The following NFIA variants were observed in gnomAD, a reference collection of about 807,000 sequenced individuals.
NFIA encodes the protein nuclear factor 1 A-type.
NFIA carries 8 observed loss-of-function variants against 62.8 expected under a neutral mutation model. The observed-to-expected ratio is 0.13, with a 90% CI of 0.07 to 0.23. The LOEUF is 0.23. Among genes scored for constraint, NFIA ranks in the 10% least tolerant of loss-of-function variants. The pLI, the probability that NFIA is intolerant of heterozygous loss-of-function variation, is 1.00. For missense variants in NFIA, 410 were observed against 642.1 expected (o/e 0.64, Z 3.91); for synonymous variants, 235 against 238.1 (o/e 0.99, Z 0.12).
intron 2 of NFIA, among the ~76,000 whole-genome samples, chr1:61,151,714 A>G (rs1648426716): frequency 1.3e-5 from 2 of 152,134 alleles, no homozygotes; most frequent in Non-Finnish European, 2.9e-5. Context: ...TTTGACCGAG[A>G]GACACACATA....
At chr1:61,287,283 G>A (rs2152093) in intron 3 of NFIA, among the ~76,000 whole-genome samples, 32,417 of 152,062 alleles carry the variant, frequency 0.21, 3,658 homozygotes, top group Middle Eastern at 0.28. Flanking sequence ...TGTCATGGCA[G>A]TATCTTTTAG....
chr1:61,289,601 T>C (rs958215648), intron 3 of NFIA, among the ~76,000 whole-genome samples: 8 of 152,252 alleles, frequency 5.3e-5, no homozygotes, highest in Non-Finnish European at 1.0e-4. Context: ...GAACAAGTTA[T>C]TTAAACTCTT....
intron 3 of NFIA, among the ~76,000 whole-genome samples, chr1:61,300,899 ATAAAT>A (rs1460449249): frequency 2.0e-5 from 3 of 152,166 alleles, no homozygotes; most frequent in South Asian, 2.1e-4. Context: ...TAGGAAATAC[ATAAAT>A]TAAAGTAGAA....
At chr1:61,205,505 G>T (rs558733093) in intron 2 of NFIA, among the ~76,000 whole-genome samples, 1 of 152,148 alleles carries the variant, frequency 6.6e-6, no homozygotes, top group Non-Finnish European at 1.5e-5. Context: ...CCTAGCACTC[G>T]GTCCAGTGTC....
At chr1:61,240,028 A>C (rs1203555016) in intron 2 of NFIA, among the ~76,000 whole-genome samples, 1 of 152,142 alleles carries the variant, frequency 6.6e-6, no homozygotes, top group East Asian at 1.9e-4. Context: ...ACTGTCATTC[A>C]ATAAAGAGAC....
intron 7 of NFIA, among the ~76,000 whole-genome samples, chr1:61,398,537 G>A (rs925347322): frequency 2.0e-5 from 3 of 152,114 alleles, no homozygotes; most frequent in Non-Finnish European, 4.4e-5. Context: ...CAAAAACACT[G>A]GTGTTTTGCA....
chr1:61,324,656 T>C (rs1475518543), intron 3 of NFIA, among the ~76,000 whole-genome samples: 2 of 152,194 alleles, frequency 1.3e-5, no homozygotes, highest in Non-Finnish European at 2.9e-5. Context: ...GAACAGCTCT[T>C]CAAGGTTACC....
At chr1:61,372,373 A>G (rs1254732058) in intron 6 of NFIA, among the ~76,000 whole-genome samples, 3 of 152,174 alleles carry the variant, frequency 2.0e-5, no homozygotes, top group Admixed American at 6.6e-5. Flanking sequence ...AGAAAATAGC[A>G]TGCTTTTTAA....
At chr1:61,283,581 C>CAAAAAAAAAAAAAAAAAAAAAAAAA (rs576613886) in intron 3 of NFIA, among the ~76,000 whole-genome samples, 11 of 36,690 alleles carry the variant, frequency 3.0e-4, no homozygotes, top group East Asian at 9.2e-4. Flanking sequence ...GACTCTGTCT[C>CAAAAAAAAAAAAAAAAAAAAAAAAA]AAAAAAAAAA....
chr1:61,196,312 A>G (rs1213505667), intron 2 of NFIA, among the ~76,000 whole-genome samples: 1 of 152,204 alleles, frequency 6.6e-6, no homozygotes, highest in East Asian at 1.9e-4. Flanking sequence ...CCTCATGCCC[A>G]ATATTCTGCC....
In NFIA at chr1:61,200,046, ATATATATATATATATATATATG is replaced by A. The variant is rs1448284549; in HGVS notation, c.560-77470_560-77449del. 3.6e-4 allele frequency among the ~76,000 whole-genome samples: 18 copies of A among 50,264 alleles called. 2 individuals carry two copies. The highest frequency in any genetic ancestry group is 2.2e-3 in the African/African-American group (16 of 7,276). The allele number at this position is 50,264 out of a possible 152,430, so 33.0% of individuals were successfully genotyped here. A position where few individuals can be genotyped will look rare whatever the true frequency, so the allele number is the denominator to read the frequency against. On this transcript the variant is annotated intron_variant, in intron 2 of 10. Transcript: ENST00000403491. ...TATATATATATATATATATATATAT[ATATATATATATATATATATATG>A]TATGTATGTTGAGCTAGAATTATGC...
chr1:61,299,725 A>G (rs541888837), intron 3 of NFIA, among the ~76,000 whole-genome samples: 21 of 152,280 alleles, frequency 1.4e-4, no homozygotes, highest in East Asian at 1.9e-4. Flanking sequence ...TTGTATTACA[A>G]TGCTCTGTTT....
intron 5 of NFIA, 138 bp from the exon 6 acceptor site, chr1:61,359,009 G>A: frequency 9.8e-6 from 12 of 1,219,550 alleles, no homozygotes; most frequent in Non-Finnish European, 1.4e-5. Flanking sequence ...AGACTGAACA[G>A]AAGTTTAAAA....
chr1:61,268,976 T>C (rs956777396), intron 2 of NFIA, among the ~76,000 whole-genome samples: 1 of 152,124 alleles, frequency 6.6e-6, no homozygotes, highest in Non-Finnish European at 1.5e-5. Flanking sequence ...CCTTGCCTCG[T>C]TGTTTGGGAA....
intron 2 of NFIA, among the ~76,000 whole-genome samples, chr1:61,199,404 A>T (rs1484925241): frequency 6.6e-6 from 1 of 152,218 alleles, no homozygotes; most frequent in Non-Finnish European, 1.5e-5. Flanking sequence ...GTGTTGCCTC[A>T]TTTGATTCTC....
At chr1:61,236,279 T>C (rs1393203564) in intron 2 of NFIA, among the ~76,000 whole-genome samples, 8 of 152,194 alleles carry the variant, frequency 5.3e-5, no homozygotes, top group African/African-American at 1.9e-4. Context: ...GAGAGAGTTC[T>C]TTAGCTAAAT....
At chr1:61,204,982 G>A (rs1292711143) in intron 2 of NFIA, among the ~76,000 whole-genome samples, 1 of 152,208 alleles carries the variant, frequency 6.6e-6, no homozygotes, top group Non-Finnish European at 1.5e-5. Context: ...ACTTTGTTGA[G>A]AAGGTTTAGC....
chr1:61,127,055 G>A (rs1646987693), intron 2 of NFIA, among the ~76,000 whole-genome samples: 2 of 148,530 alleles, frequency 1.3e-5, no homozygotes, highest in Middle Eastern at 3.5e-3. Context: ...TTCCCAAAGC[G>A]CTGAGATTAA....
intron 2 of NFIA, among the ~76,000 whole-genome samples, chr1:61,095,576 A>G (rs1276983428): frequency 2.0e-5 from 3 of 152,330 alleles, no homozygotes; most frequent in Middle Eastern, 6.8e-3. Flanking sequence ...AACCCCTCCC[A>G]TTGAGATATT....
Sources: gnomAD v4.1 joint callset for allele counts (sites outside exome capture counted in the v4.1 genomes callset) on GRCh38, gnomAD v4.1.1 for gene constraint, MANE v1.5 for transcripts, NCBI Gene and HGNC (gene_info 2026-07-23, HGNC 2026-07-21) for gene names.